The following EXOC6B variants were observed in gnomAD, a reference collection of about 807,000 sequenced individuals.
The protein encoded by EXOC6B is SEC15 homolog B.
In EXOC6B, 54 loss-of-function variants were observed where a neutral mutation model predicts 113.5. That is an observed-to-expected ratio of 0.48 (90% CI 0.38 to 0.60). The LOEUF (loss-of-function observed/expected upper bound fraction) is 0.60. Ranked by LOEUF, EXOC6B falls within the 20% of genes least tolerant of loss-of-function variation. EXOC6B has a pLI of 0.00. For synonymous variants in EXOC6B, 357 were observed against 339.0 expected (o/e 1.05, Z -0.58); for missense variants, 797 against 977.5 (o/e 0.82, Z 2.46).
At chr2:72,288,918 G>T in intron 20 of EXOC6B, 1 of 223,080 alleles carries the variant, frequency 4.5e-6, no homozygotes, top group South Asian at 7.2e-5. Context: ...AAATTATTGT[G>T]AACCTCACAA....
intron 20 of EXOC6B, among the ~76,000 whole-genome samples, chr2:72,185,849 C>T (rs1240741827): frequency 2.0e-5 from 3 of 151,550 alleles, no homozygotes; most frequent in Non-Finnish European, 4.4e-5. Flanking sequence ...CCCATTAACT[C>T]GTCATTTACA....
At chr2:72,370,729 G>A (rs1023691015) in intron 19 of EXOC6B, among the ~76,000 whole-genome samples, 20 of 152,056 alleles carry the variant, frequency 1.3e-4, no homozygotes, top group Admixed American at 1.1e-3. Flanking sequence ...GGATGAAGCT[G>A]GAAACCATCA....
intron 20 of EXOC6B, among the ~76,000 whole-genome samples, chr2:72,325,934 G>A (rs945000151): frequency 6.6e-6 from 1 of 152,008 alleles, no homozygotes; most frequent in African/African-American, 2.4e-5. Context: ...TGGCTCCCAG[G>A]TAGTTAATTC....
At chr2:72,456,523 T>A (rs190610539) in intron 18 of EXOC6B, among the ~76,000 whole-genome samples, 2 of 152,134 alleles carry the variant, frequency 1.3e-5, no homozygotes, top group African/African-American at 4.8e-5. Flanking sequence ...AAGTCCATAG[T>A]TGGCAATCAA....
intron 17 of EXOC6B, among the ~76,000 whole-genome samples, chr2:72,474,662 T>C (rs541996708): frequency 8.5e-5 from 13 of 152,112 alleles, no homozygotes; most frequent in Non-Finnish European, 1.9e-4. Context: ...TCATGCATTG[T>C]TTTTCTGATT....
At chr2:72,205,884 T>C (rs549341721) in intron 20 of EXOC6B, among the ~76,000 whole-genome samples, 3 of 152,266 alleles carry the variant, frequency 2.0e-5, no homozygotes, top group Admixed American at 2.0e-4. Flanking sequence ...TTGGGGATAT[T>C]GAAGTTTTGC....
chr2:72,677,055 CATAA>C (rs1233723921), intron 6 of EXOC6B, among the ~76,000 whole-genome samples: 1 of 152,188 alleles, frequency 6.6e-6, no homozygotes, highest in African/African-American at 2.4e-5. Context: ...TCATTCTCAT[CATAA>C]ATAAATTCCA....
intron 19 of EXOC6B, among the ~76,000 whole-genome samples, chr2:72,350,782 T>C (rs963673313): frequency 6.6e-6 from 1 of 152,190 alleles, no homozygotes; most frequent in African/African-American, 2.4e-5. Context: ...TAGATTAGTT[T>C]GAGGAAAAGG....
chr2:72,179,505 C>T (rs1277673708), intron 21 of EXOC6B, 44 bp from the exon 22 acceptor site: 1 of 1,612,146 alleles, frequency 6.2e-7, no homozygotes, highest in Admixed American at 1.7e-5. Context: ...TTTGAGGAAA[C>T]AATGGTGGAA....
At chr2:72,817,769 TA>T (rs1221780420) in intron 1 of EXOC6B, among the ~76,000 whole-genome samples, 26 of 152,220 alleles carry the variant, frequency 1.7e-4, no homozygotes, top group African/African-American at 6.3e-4. Flanking sequence ...TTAATTCCCA[TA>T]ACTAATCCAT....
At chr2:72,695,276 C>T (rs191560529) in intron 6 of EXOC6B, among the ~76,000 whole-genome samples, 20 of 152,208 alleles carry the variant, frequency 1.3e-4, no homozygotes, top group African/African-American at 4.6e-4. Context: ...AGTAAAAGCA[C>T]AAAGCTCCTG....
In EXOC6B at chr2:72,696,238, A is replaced by T. The variant is rs1041240193; in HGVS notation, c.669+21865T>A. The stretch of plus-strand genomic sequence containing the variant: ...TATATTGCAGATTATAGGTGCTCAG[A>T]TAAATAAAACTAGATTATCCACTTT... On this transcript the variant is annotated intron_variant, in intron 6 of 21. Transcript: ENST00000272427. Among the ~76,000 whole-genome samples the T allele has an allele frequency of 3.9e-5, 6 of 152,328 alleles. No individual in the cohort carries two copies. In the East Asian group the frequency reaches 1.2e-3, roughly 29 times the overall value.
chr2:72,647,465 T>C (rs1462318891), intron 6 of EXOC6B, among the ~76,000 whole-genome samples: 3 of 152,198 alleles, frequency 2.0e-5, no homozygotes, highest in Non-Finnish European at 4.4e-5. Flanking sequence ...ACAGCCTGCA[T>C]TGCCAAGACA....
chr2:72,211,211 T>C (rs1020502798), intron 20 of EXOC6B, among the ~76,000 whole-genome samples: 1 of 152,112 alleles, frequency 6.6e-6, no homozygotes, highest in Non-Finnish European at 1.5e-5. Context: ...TACTGACAGG[T>C]GATCCTAGAA....
At chr2:72,563,400 T>C (rs928966608) in intron 7 of EXOC6B, among the ~76,000 whole-genome samples, 3 of 152,140 alleles carry the variant, frequency 2.0e-5, no homozygotes, top group African/African-American at 7.2e-5. Flanking sequence ...TAATACCAAT[T>C]AACAGCTTCA....
chr2:72,456,977 C>A (rs1174588933), intron 18 of EXOC6B, among the ~76,000 whole-genome samples: 1 of 148,558 alleles, frequency 6.7e-6, no homozygotes. Context: ...AGTTAAAGGG[C>A]AGAAGCAGTA....
chr2:72,781,755 T>A (rs1684050886), intron 1 of EXOC6B, among the ~76,000 whole-genome samples: 1 of 152,112 alleles, frequency 6.6e-6, no homozygotes. Flanking sequence ...TAAACTCATA[T>A]ATGATTGGTC....
intron 1 of EXOC6B, among the ~76,000 whole-genome samples, chr2:72,821,840 T>C (rs188726306): frequency 1.3e-5 from 2 of 152,136 alleles, no homozygotes; most frequent in African/African-American, 4.8e-5. Flanking sequence ...AGGTTTCTTT[T>C]TGAGTAATGA....
intron 6 of EXOC6B, among the ~76,000 whole-genome samples, chr2:72,583,704 T>G (rs1231744970): frequency 1.3e-5 from 2 of 149,830 alleles, no homozygotes; most frequent in East Asian, 3.9e-4. Flanking sequence ...ACCCTTAAAG[T>G]TCTCTGGTTT....
Sources: gnomAD v4.1 joint callset for allele counts (sites outside exome capture counted in the v4.1 genomes callset) on GRCh38, gnomAD v4.1.1 for gene constraint, MANE v1.5 for transcripts, NCBI Gene and HGNC (gene_info 2026-07-23, HGNC 2026-07-21) for gene names.